The following ARMC10 variants were observed in gnomAD, a reference collection of about 807,000 sequenced individuals.
The protein encoded by ARMC10 is armadillo repeat containing 10.
ARMC10 carries 23 observed loss-of-function variants against 30.2 expected under a neutral mutation model. The observed-to-expected ratio is 0.76, with a 90% CI of 0.55 to 1.08. The LOEUF is 1.08. ARMC10 is among the 50% of genes least tolerant of loss of function. The pLI is 0.00. For synonymous variants in ARMC10, 111 were observed against 164.4 expected (o/e 0.68, Z 2.48); for missense variants, 303 against 413.7 (o/e 0.73, Z 2.32).
In ARMC10 at chr7:103,075,759, G is replaced by T; in HGVS notation, c.140-18G>T. 6.3e-7 allele frequency: 1 copy of T among 1,588,968 alleles called. No homozygotes were observed. The highest frequency in any genetic ancestry group is 2.3e-5 in the East Asian group (1 of 43,894). On this transcript the variant is annotated intron_variant, in intron 1 of 6. Transcript: ENST00000323716. ...GCTGTTGAGGGGCCCAGAGCCATAG[G>T]TCAATCTCTGCTTGCAGGTGCCCTG...
Position 103,077,705 on chromosome 7 carries a change from A to T in ARMC10, c.244+1824A>T, listed in dbSNP as rs1458469749. On this transcript the variant is annotated intron_variant, in intron 2 of 6. Coordinates refer to ENST00000323716, the MANE Select transcript of ARMC10 (RefSeq NM_031905.5). ...GACATTCAAATCATAGCATTTACAA[A>T]GCCTAATTTGTTGTCTTTGCCCATG... Among the ~76,000 whole-genome samples, 4 of 152,186 alleles carry T rather than the reference A, an allele frequency of 2.6e-5. No individual in the cohort carries two copies. The South Asian group carries it at 8.3e-4, about 32-fold the overall frequency.
chr7:103,087,391 G>A (rs1563324366), intron 4 of ARMC10, among the ~76,000 whole-genome samples: 2 of 152,166 alleles, frequency 1.3e-5, no homozygotes, highest in Middle Eastern at 3.2e-3. Context: ...CTACGTTACT[G>A]ACATTGCTTT....
chr7:103,086,604 C>CTT (rs369209750), intron 3 of ARMC10, 26 bp from the exon 4 acceptor site: 262 of 1,469,036 alleles, frequency 1.8e-4, no homozygotes, highest in East Asian at 3.6e-4. Context: ...CCCAGTCCTG[C>CTT]TTTTTTTTTT....
intron 5 of ARMC10, chr7:103,096,144 T>C (rs1801743794): frequency 1.3e-5 from 2 of 152,252 alleles, no homozygotes; most frequent in Non-Finnish European, 1.5e-5. Flanking sequence ...TTTTCAGTTA[T>C]AAGTGATAAG....
At chr7:103,079,341 GAAAA>G (rs980688510) in intron 2 of ARMC10, among the ~76,000 whole-genome samples, 1 of 151,546 alleles carries the variant, frequency 6.6e-6, no homozygotes, top group African/African-American at 2.4e-5. Context: ...GAAAAAAAAA[GAAAA>G]AAAATTTTAT....
chr7:103,079,183 A>C (rs1051956759), intron 2 of ARMC10, among the ~76,000 whole-genome samples: 2 of 152,168 alleles, frequency 1.3e-5, no homozygotes, highest in African/African-American at 2.4e-5. Flanking sequence ...AAATATTAGC[A>C]AGTCAAATCT....
intron 2 of ARMC10, among the ~76,000 whole-genome samples, chr7:103,079,644 TTAAC>T (rs1212286902): frequency 5.3e-5 from 8 of 152,208 alleles, no homozygotes; most frequent in Admixed American, 4.6e-4. Flanking sequence ...TCCAAGAGAA[TTAAC>T]TAACTACTAG....
chr7:103,089,101 C>T (rs182617629), intron 4 of ARMC10: 265 of 176,604 alleles, frequency 1.5e-3, no homozygotes, highest in African/African-American at 6.0e-3. Context: ...TTTTGTCCCT[C>T]AGTACCAACT....
At chr7:103,077,811 G>T (rs1800026082) in intron 2 of ARMC10, among the ~76,000 whole-genome samples, 1 of 152,200 alleles carries the variant, frequency 6.6e-6, no homozygotes. Context: ...TCAATCTGAT[G>T]AATGTGGACA....
In ARMC10 at chr7:103,098,654, T is replaced by C. The variant is rs1215104823; in HGVS notation, c.*101T>C. 2.0e-6 allele frequency: 3 copies of C among 1,488,344 alleles called. No homozygotes were observed. Among genetic ancestry groups the C allele is most frequent in the Non-Finnish European group, 2.7e-6 (3 of 1,120,236 alleles). The allele number at this position is 1,488,344 out of a possible 1,614,324, so 92.2% of individuals were successfully genotyped here. On this transcript the variant is annotated 3_prime_UTR_variant, in exon 7 of 7. Transcript: ENST00000323716. ...CCAGCTGCTAAATTTAAACAGTAAA[T>C]ATCACATTTTGTCATTAACACAGCT...
Position 103,098,469 on chromosome 7 carries a change from A to G in ARMC10, c.948A>G (p.Glu316=), listed in dbSNP as rs776747990. The G allele has an allele frequency of 5.0e-6, 8 of 1,613,010 alleles. No homozygotes were observed. The highest frequency in any genetic ancestry group is 5.9e-6 in the Non-Finnish European group (7 of 1,179,558). ...GSLFFLLHGE[E]CAQKIRALVD... ...TGTTTTTCCTGTTACATGGAGAAGAATGTGCCCAGAAAATAAGAGCTTTAG... is the reference window on the plus strand; with the variant it reads ...TGTTTTTCCTGTTACATGGAGAAGAGTGTGCCCAGAAAATAAGAGCTTTAG... Residue 316 remains glutamate, a synonymous_variant, in exon 7 of 7, where the codon GAA becomes GAG. Coordinates refer to ENST00000323716, the MANE Select transcript of ARMC10 (RefSeq NM_031905.5).
intron 2 of ARMC10, among the ~76,000 whole-genome samples, chr7:103,079,033 T>G (rs930382198): frequency 2.0e-5 from 3 of 152,120 alleles, no homozygotes; most frequent in African/African-American, 7.2e-5. Flanking sequence ...AAAATAATTT[T>G]TGTACTAACG....
Position 103,098,421 on chromosome 7 carries a change from G to A in ARMC10, c.900G>A (p.Gln300=), listed in dbSNP as rs1361196956. Residue 300 remains glutamine, a synonymous_variant, in exon 7 of 7, where the codon CAG becomes CAA. Transcript: ENST00000323716. ...AAATAGAAGGCCATTTAGCTGTGCA[G>A]CCTACTTTCACTGAAGGTTCATTGT... is the stretch of plus-strand genomic sequence containing the variant. ...CLKIEGHLAV[Q]PTFTEGSLFF... 3 of 1,613,684 alleles carry A rather than the reference G, an allele frequency of 1.9e-6. No individual in the cohort carries two copies. Among genetic ancestry groups the A allele is most frequent in the Non-Finnish European group, 2.5e-6 (3 of 1,179,912 alleles).
In ARMC10 at chr7:103,092,177, A is replaced by T. The variant is rs531679169; in HGVS notation, c.529-300A>T. On this transcript the variant is annotated intron_variant, in intron 4 of 6. Transcript: ENST00000323716. ...GAAACCCCGTCTCTACTAAAAATAC[A>T]AAAAAATTAGCCGGGCGTGGTGGCG... Among the ~76,000 whole-genome samples, 4 of 152,016 alleles carry T rather than the reference A, an allele frequency of 2.6e-5. No individual in the cohort carries two copies. In the South Asian group the frequency reaches 6.2e-4, roughly 24 times the overall value.
At chr7:103,091,593 TTC>T (rs1315911366) in intron 4 of ARMC10, among the ~76,000 whole-genome samples, 5 of 152,220 alleles carry the variant, frequency 3.3e-5, no homozygotes, top group African/African-American at 9.6e-5. Context: ...TAGGGAAAGA[TTC>T]TGTTTCACAT....
chr7:103,080,108 T>C (rs1800243778), intron 2 of ARMC10, among the ~76,000 whole-genome samples: 1 of 152,144 alleles, frequency 6.6e-6, no homozygotes. Context: ...AGATGGAAAG[T>C]AGAACACATG....
chr7:103,095,934 T>C (rs1415240679), intron 5 of ARMC10: 2 of 49,164 alleles, frequency 4.1e-5, no homozygotes, highest in East Asian at 1.3e-3. Context: ...GGGACTGTTG[T>C]GGGGTGGGGG....
intron 4 of ARMC10, among the ~76,000 whole-genome samples, chr7:103,087,584 A>C (rs1338561054): frequency 2.0e-5 from 3 of 152,202 alleles, no homozygotes; most frequent in Admixed American, 2.0e-4. Flanking sequence ...TCCCATGTTC[A>C]AACTAGAAAT....
At chr7:103,095,283 G>A (rs74366364) in intron 5 of ARMC10, among the ~76,000 whole-genome samples, 20,543 of 152,044 alleles carry the variant, frequency 0.14, 1,487 homozygotes, top group Middle Eastern at 0.2. Flanking sequence ...TGGTAGAGAC[G>A]GGGTTTTGCC....
Sources: gnomAD v4.1 joint callset for allele counts (sites outside exome capture counted in the v4.1 genomes callset) on GRCh38, gnomAD v4.1.1 for gene constraint, MANE v1.5 for transcripts, NCBI Gene and HGNC (gene_info 2026-07-23, HGNC 2026-07-21) for gene names.